Variants in TUSC3 observed in about 807,000 individuals in gnomAD.
TUSC3 encodes the protein dolichyl-diphosphooligosaccharide--protein glycosyltransferase subunit TUSC3.
Under a neutral mutation model 44.8 loss-of-function variants are expected in TUSC3, and 45 were observed. The ratio of observed to expected loss-of-function variants is 1.00; its 90% CI spans 0.79 to 1.29. The LOEUF (loss-of-function observed/expected upper bound fraction) is 1.29. TUSC3 is among the 50% of genes most tolerant of loss of function. The probability of loss-of-function intolerance (pLI) is 0.00; values close to 1 mark genes in which losing one functional copy is unlikely to be tolerated. For synonymous variants in TUSC3, 212 were observed against 152.9 expected (o/e 1.39, Z -2.85); for missense variants, 519 against 437.9 (o/e 1.19, Z -1.65).
chr8:15,667,320 G>T (rs1249968092), intron 5 of TUSC3, among the ~76,000 whole-genome samples: 4 of 151,484 alleles, frequency 2.6e-5, no homozygotes, highest in African/African-American at 9.7e-5. Context: ...GAGTATAAAT[G>T]AAAGAAATAA....
At chr8:15,525,727 G>T (rs1298298542) in intron 2 of TUSC3, among the ~76,000 whole-genome samples, 2 of 152,012 alleles carry the variant, frequency 1.3e-5, no homozygotes, top group African/African-American at 4.8e-5. Context: ...ACTTGCTCTG[G>T]GTCTCCAGTG....
intron 1 of TUSC3, among the ~76,000 whole-genome samples, chr8:15,442,445 A>T (rs1800033103): frequency 6.6e-6 from 1 of 152,134 alleles, no homozygotes; most frequent in Non-Finnish European, 1.5e-5. Context: ...GAAAGTGCTC[A>T]TTTGTTGCTT....
intron 1 of TUSC3, among the ~76,000 whole-genome samples, chr8:15,561,429 A>T (rs1238672036): frequency 7.2e-6 from 1 of 138,900 alleles, no homozygotes; most frequent in Non-Finnish European, 1.6e-5. Flanking sequence ...GGGACATTTA[A>T]GTCTGCAGAG....
chr8:15,812,598 C>T, the TUSC3 span, among the ~76,000 whole-genome samples: 69 of 152,238 alleles, frequency 4.5e-4, no homozygotes, highest in Non-Finnish European at 7.4e-5. Context: ...CTGAACTCAA[C>T]GGCTGCCACT....
At chr8:15,436,734 C>A (rs926867807) in intron 1 of TUSC3, among the ~76,000 whole-genome samples, 19 of 152,130 alleles carry the variant, frequency 1.2e-4, no homozygotes, top group Admixed American at 3.9e-4. Flanking sequence ...TGACCAATTT[C>A]TATAGGTGTT....
chr8:15,657,571 C>T (rs1807228265), intron 3 of TUSC3, among the ~76,000 whole-genome samples: 1 of 152,142 alleles, frequency 6.6e-6, no homozygotes, highest in Non-Finnish European at 1.5e-5. Context: ...TGATCATAAC[C>T]ACTTAAATAA....
chr8:15,512,894 TTC>T lies in TUSC3; in HGVS notation n.189+29416_189+29417del, dbSNP rs560085357. On this transcript the variant is annotated intron_variant and non_coding_transcript_variant, in intron 2 of 5. Transcript: ENST00000503191. ...TGTGTATATATATATATACACACAA[TTC>T]TCTCGGTGTATATATATGTATCTAT... Among the ~76,000 whole-genome samples, 126 of 101,198 alleles carry T rather than the reference TTC, an allele frequency of 1.2e-3. 2 individuals are homozygous for T. The highest frequency in any genetic ancestry group is 5.4e-3 in the Middle Eastern group (1 of 186). 66.4% of individuals were successfully genotyped at this position (101,198 alleles called of 152,430 possible).
At chr8:15,814,202 G>T in the TUSC3 span, among the ~76,000 whole-genome samples, 1 of 152,232 alleles carries the variant, frequency 6.6e-6, no homozygotes, top group East Asian at 1.9e-4. Context: ...TGACTTACCT[G>T]TAGTTATATT....
intron 4 of TUSC3, among the ~76,000 whole-genome samples, chr8:15,660,025 G>C (rs561976146): frequency 3.7e-4 from 56 of 151,958 alleles, no homozygotes; most frequent in Non-Finnish European, 7.1e-4. Context: ...AAAGCTACGT[G>C]GAAAAATGTC....
At chr8:15,569,297 T>C (rs923673267) in intron 1 of TUSC3, among the ~76,000 whole-genome samples, 2 of 152,180 alleles carry the variant, frequency 1.3e-5, no homozygotes, top group South Asian at 2.1e-4. Context: ...TAGTTTTTCT[T>C]GCTACTTGCT....
At chr8:15,594,706 G>A (rs1803991514) in intron 1 of TUSC3, among the ~76,000 whole-genome samples, 1 of 152,078 alleles carries the variant, frequency 6.6e-6, no homozygotes, top group African/African-American at 2.4e-5. Context: ...ACTATTACTG[G>A]TCCTCTGTGA....
intron 6 of TUSC3, among the ~76,000 whole-genome samples, chr8:15,699,561 A>T (rs1031482271): frequency 6.6e-6 from 1 of 152,232 alleles, no homozygotes; most frequent in African/African-American, 2.4e-5. Context: ...CAGGAAAAAG[A>T]TTATATGCAG....
In TUSC3 at chr8:15,459,832, TTGTGTG is replaced by T. The variant is rs35529446; in HGVS notation, n.92-23536_92-23531del. Among the ~76,000 whole-genome samples, 253 of 148,632 alleles carry T rather than the reference TTGTGTG, an allele frequency of 1.7e-3. 1 individual carries two copies. The highest frequency in any genetic ancestry group is 5.9e-3 in the South Asian group (28 of 4,708). ...CTTTTATGGCTAAGTAGTATTCCAT[TTGTGTG>T]TGTGTGTGTGTGTGTGTATGTGTGT... On this transcript the variant is annotated intron_variant and non_coding_transcript_variant, in intron 1 of 5. Coordinates refer to the TUSC3 transcript ENST00000503191.
chr8:15,463,574 C>T (rs546463999), intron 1 of TUSC3, among the ~76,000 whole-genome samples: 2 of 152,226 alleles, frequency 1.3e-5, no homozygotes, highest in South Asian at 4.1e-4. Flanking sequence ...ATAGAATGGT[C>T]TAGTGGCTCT....
At chr8:15,450,950 T>G (rs1326110819) in intron 1 of TUSC3, among the ~76,000 whole-genome samples, 1 of 152,146 alleles carries the variant, frequency 6.6e-6, no homozygotes, top group Non-Finnish European at 1.5e-5. Context: ...AGCTGACCCT[T>G]CTGGCAGTGA....
chr8:15,539,664 T>C (rs943268488), upstream of TUSC3, among the ~76,000 whole-genome samples: 4 of 152,186 alleles, frequency 2.6e-5, no homozygotes, highest in African/African-American at 9.7e-5. Flanking sequence ...CTATGGTTCT[T>C]AAAATATTCA....
chr8:15,776,408 A>G, the TUSC3 span, among the ~76,000 whole-genome samples: 1 of 152,124 alleles, frequency 6.6e-6, no homozygotes, highest in African/African-American at 2.4e-5. Context: ...ATTGCTTGAT[A>G]ACTAAGGAAT....
chr8:15,671,700 T>A (rs1392952469), intron 5 of TUSC3, among the ~76,000 whole-genome samples: 1 of 152,090 alleles, frequency 6.6e-6, no homozygotes, highest in African/African-American at 2.4e-5. Context: ...CTATTGCCTC[T>A]TTTCCTCCAT....
chr8:15,625,323 T>G (rs554054456), intron 2 of TUSC3, among the ~76,000 whole-genome samples: 10 of 152,276 alleles, frequency 6.6e-5, no homozygotes, highest in South Asian at 4.1e-4. Flanking sequence ...GTGTCTTTGT[T>G]TAGTTTTGGT....
Sources: gnomAD v4.1 joint callset for allele counts (sites outside exome capture counted in the v4.1 genomes callset) on GRCh38, gnomAD v4.1.1 for gene constraint, MANE v1.5 for transcripts, NCBI Gene and HGNC (gene_info 2026-07-23, HGNC 2026-07-21) for gene names.